The following ARHGAP15 variants were observed in gnomAD, a reference collection of about 807,000 sequenced individuals.
The protein encoded by ARHGAP15 is rho GTPase-activating protein 15.
Under a neutral mutation model 63.7 loss-of-function variants are expected in ARHGAP15, and 51 were observed. The observed-to-expected ratio is 0.80, with a 90% CI of 0.64 to 1.01. The LOEUF is 1.01. Among genes scored for constraint, ARHGAP15 ranks in the 50% least tolerant of loss-of-function variants. The pLI, the probability that ARHGAP15 is intolerant of heterozygous loss-of-function variation, is 0.00. For missense variants in ARHGAP15, 560 were observed against 564.6 expected, an observed-to-expected ratio of 0.99 and a Z score of 0.08; for synonymous variants, 191 against 193.8, an observed-to-expected ratio of 0.99 and a Z score of 0.12.
At position 143,519,294 on chromosome 2, in the gene ARHGAP15, A is replaced by T; in HGVS notation, c.855A>T (p.Lys285Asn). The part of the protein sequence containing the change: ...KDQIFGSHLH[K>N]VCERENSTVP... The stretch of plus-strand genomic sequence containing the variant: ...AAATTTTTGGCTCTCATCTGCACAA[A>T]GTGTGTGAACGTGAAAATTCCACAG... The change falls in exon 10 of 14, where the codon AAA becomes AAT. Residue 285 changes from lysine (K) to asparagine (N), a missense_variant. Physicochemically the swap from Lys to Asn is moderately conservative, Grantham distance 94. Coordinates refer to ENST00000295095, the MANE Select transcript of ARHGAP15 (RefSeq NM_018460.4). 1 of 1,613,296 alleles carries T rather than the reference A, an allele frequency of 6.2e-7. No individual in the cohort carries two copies. The highest frequency in any genetic ancestry group is 8.5e-7 in the Non-Finnish European group (1 of 1,179,374).
intron 6 of ARHGAP15, among the ~76,000 whole-genome samples, chr2:143,292,386 T>C (rs1436305859): frequency 6.6e-6 from 1 of 152,128 alleles, no homozygotes; most frequent in Non-Finnish European, 1.5e-5. Flanking sequence ...ATTTATACCT[T>C]GAACTAAGGA....
intron 3 of ARHGAP15, among the ~76,000 whole-genome samples, chr2:143,205,883 C>T (rs1692311433): frequency 6.6e-6 from 1 of 152,044 alleles, no homozygotes; most frequent in African/African-American, 2.4e-5. Flanking sequence ...CAAACCCTCA[C>T]CCAAGCCTTG....
chr2:143,694,897 A>T (rs1203721083), intron 12 of ARHGAP15, among the ~76,000 whole-genome samples: 1 of 152,128 alleles, frequency 6.6e-6, no homozygotes, highest in Non-Finnish European at 1.5e-5. Context: ...CTTAATTCAC[A>T]TTTTTCTTAA....
chr2:143,752,924 G>A (rs1305752777), intron 13 of ARHGAP15, among the ~76,000 whole-genome samples: 2 of 152,164 alleles, frequency 1.3e-5, no homozygotes, highest in Non-Finnish European at 2.9e-5. Flanking sequence ...ATCACCTGAG[G>A]CCAGGAGTTC....
chr2:143,319,316 G>A (rs148766229), intron 6 of ARHGAP15, among the ~76,000 whole-genome samples: 3 of 150,186 alleles, frequency 2.0e-5, no homozygotes, highest in Admixed American at 6.7e-5. Context: ...CCTCAGCCTC[G>A]CAGGTTCATG....
At chr2:143,402,182 G>A (rs4662327) in intron 6 of ARHGAP15, among the ~76,000 whole-genome samples, 40,040 of 151,626 alleles carry the variant, frequency 0.26, 6,418 homozygotes, top group Non-Finnish European at 0.36. Context: ...TAACACCTCA[G>A]TGTTTTTTTA....
intron 13 of ARHGAP15, among the ~76,000 whole-genome samples, chr2:143,742,823 A>G (rs763485193): frequency 1.3e-5 from 2 of 152,222 alleles, no homozygotes; most frequent in Non-Finnish European, 2.9e-5. Flanking sequence ...TGGGAAGCCC[A>G]TGCAGCTCCC....
chr2:143,562,274 A>C (rs1696060877), intron 11 of ARHGAP15, among the ~76,000 whole-genome samples: 1 of 152,206 alleles, frequency 6.6e-6, no homozygotes, highest in African/African-American at 2.4e-5. Context: ...AGAAAGAGAA[A>C]GTGAGAAAGA....
rs73961815 is a variant in ARHGAP15 at position 143,616,536 on chromosome 2, C to T, written c.1004-7597C>T. On this transcript the variant is annotated intron_variant, in intron 11 of 13. Transcript: ENST00000295095. ...GCACACCGAAAGCAAGCTAACGTGG[C>T]GTGCCAAAGTAGCCCATTAGATGTT... Among the ~76,000 whole-genome samples the T allele has an allele frequency of 5.3e-3, 806 of 152,168 alleles. 4 individuals carry two copies. Among genetic ancestry groups the T allele is most frequent in the African/African-American group, 0.018 (732 of 41,512 alleles).
At chr2:143,331,790 G>A (rs1684561019) in intron 6 of ARHGAP15, among the ~76,000 whole-genome samples, 1 of 152,098 alleles carries the variant, frequency 6.6e-6, no homozygotes, top group Non-Finnish European at 1.5e-5. Flanking sequence ...AGTAGAGGTA[G>A]GGTTAATATC....
intron 13 of ARHGAP15, among the ~76,000 whole-genome samples, chr2:143,707,036 G>A (rs1684358314): frequency 6.6e-6 from 1 of 152,198 alleles, no homozygotes; most frequent in Non-Finnish European, 1.5e-5. Flanking sequence ...ATAGTAGCTG[G>A]TGGTTGAGAG....
intron 12 of ARHGAP15, among the ~76,000 whole-genome samples, chr2:143,638,661 TAAATAAATA>T (rs1445828829): frequency 2.5e-5 from 1 of 40,450 alleles, no homozygotes; most frequent in Admixed American, 3.9e-4. Context: ...TAATAAAAAA[TAAATAAATA>T]AAAGAAAAAA....
chr2:143,623,639 G>A lies in ARHGAP15; in HGVS notation c.1004-494G>A, dbSNP rs369591413. The stretch of plus-strand genomic sequence containing the variant: ...ATTCAGGCAAAAAAAGGGAAAAAGT[G>A]TTACCCATTATTCCCTTGTACATAG... On this transcript the variant is annotated intron_variant, in intron 11 of 13. Coordinates refer to ENST00000295095, the MANE Select transcript of ARHGAP15 (RefSeq NM_018460.4). Among the ~76,000 whole-genome samples, 24 of 152,296 alleles carry A rather than the reference G, an allele frequency of 1.6e-4. No individual in the cohort carries two copies. The East Asian group carries it at 4.6e-3, about 29-fold the overall frequency.
At chr2:143,264,411 C>T (rs187857532) in intron 6 of ARHGAP15, among the ~76,000 whole-genome samples, 3 of 152,270 alleles carry the variant, frequency 2.0e-5, no homozygotes, top group East Asian at 1.9e-4. Context: ...ACCTACCACA[C>T]ACTCCACAGT....
intron 13 of ARHGAP15, among the ~76,000 whole-genome samples, chr2:143,765,147 G>GTGTGTGTGT (rs1559166655): frequency 3.4e-5 from 5 of 146,918 alleles, no homozygotes; most frequent in African/African-American, 1.3e-4. Context: ...GTGTGTGTGT[G>GTGTGTGTGT]GTAAAATTAA....
chr2:143,534,400 G>A (rs1694657426), intron 10 of ARHGAP15, among the ~76,000 whole-genome samples: 3 of 152,146 alleles, frequency 2.0e-5, no homozygotes, highest in African/African-American at 7.2e-5. Flanking sequence ...GGCTAATACA[G>A]ACCCAGTGAT....
chr2:143,467,944 C>G (rs1691311065), intron 8 of ARHGAP15, among the ~76,000 whole-genome samples: 1 of 152,150 alleles, frequency 6.6e-6, no homozygotes, highest in South Asian at 2.1e-4. Context: ...CATAGCAGTA[C>G]CACTTTATTG....
chr2:143,444,818 A>G (rs1221917653), intron 8 of ARHGAP15, among the ~76,000 whole-genome samples: 1 of 152,180 alleles, frequency 6.6e-6, no homozygotes, highest in Admixed American at 6.5e-5. Context: ...ACCCAGAAAT[A>G]CCAGATGTTT....
intron 12 of ARHGAP15, among the ~76,000 whole-genome samples, chr2:143,672,334 A>G (rs1471508808): frequency 6.6e-6 from 1 of 152,228 alleles, no homozygotes; most frequent in Non-Finnish European, 1.5e-5. Context: ...ACACACATAA[A>G]TGACAGACAA....
Sources: gnomAD v4.1 joint callset for allele counts (sites outside exome capture counted in the v4.1 genomes callset) on GRCh38, gnomAD v4.1.1 for gene constraint, MANE v1.5 for transcripts, NCBI Gene and HGNC (gene_info 2026-07-23, HGNC 2026-07-21) for gene names.